The following USP29 variants were observed in gnomAD, a reference collection of about 807,000 sequenced individuals.
USP29 encodes the protein ubiquitin carboxyl-terminal hydrolase 29.
For synonymous variants in USP29, 386 were observed against 387.4 expected (o/e 1.00, Z 0.04); for missense variants, 1,102 against 1,069.0 (o/e 1.03, Z -0.43).
rs993757170 is a variant in USP29, at chr19:57,124,470, T to G, written c.-17+331T>G. Among the ~76,000 whole-genome samples, 8 of 19,626 alleles carry G rather than the reference T, an allele frequency of 4.1e-4. No individual in the cohort carries two copies. In the East Asian group the frequency reaches 0.12, roughly 289 times the overall value. The allele number at this position is 19,626 out of a possible 152,430, so 12.9% of individuals were successfully genotyped here. On this transcript the variant is annotated intron_variant, in intron 3 of 3. Transcript: ENST00000254181. ...CTTACTCCCTGTTTTTTGTGGGGTTTTTTTTTTGGTTTTCTTTTTTGTTTT... is the reference window on the plus strand; with the variant it reads ...CTTACTCCCTGTTTTTTGTGGGGTTGTTTTTTTGGTTTTCTTTTTTGTTTT...
At chr19:57,123,652 T>C (rs969889219) in intron 2 of USP29, among the ~76,000 whole-genome samples, 5 of 152,162 alleles carry the variant, frequency 3.3e-5, no homozygotes, top group African/African-American at 4.8e-5. Context: ...AAAATAAAGA[T>C]ACTTAAAGTT....
chr19:57,127,149 G>A (rs907775552), intron 3 of USP29, among the ~76,000 whole-genome samples: 1 of 152,184 alleles, frequency 6.6e-6, no homozygotes, highest in Non-Finnish European at 1.5e-5. Flanking sequence ...TTGTCCCAGA[G>A]GGGCACCAGC....
intron 3 of USP29, among the ~76,000 whole-genome samples, chr19:57,125,474 ATAGT>A (rs2086819065): frequency 6.6e-6 from 1 of 151,954 alleles, no homozygotes; most frequent in Non-Finnish European, 1.5e-5. Context: ...TATATTTAAG[ATAGT>A]TAGCTATTCT....
Position 57,129,348 on chromosome 19 carries a change from G to T in USP29, c.673G>T (p.Gly225Trp), listed in dbSNP as rs747408433. Residue 225 changes from glycine (G) to tryptophan (W), a missense_variant, in exon 4 of 4, where the codon GGG becomes TGG. Physicochemically the swap from Gly to Trp is radical, Grantham distance 184. Transcript: ENST00000254181. ...DLEKDRDLKL[G>W]PSFNTNCNGN... ...AGAAAAAGATAGAGATTTGAAACTC[G>T]GGCCTTCATTCAATACCAACTGTAA... 4.3e-6 allele frequency: 7 copies of T among 1,613,952 alleles called. No homozygotes were observed. The highest frequency in any genetic ancestry group is 5.9e-6 in the Non-Finnish European group (7 of 1,180,004).
chr19:57,128,404 G>A (rs940382662), intron 3 of USP29, among the ~76,000 whole-genome samples: 2 of 152,118 alleles, frequency 1.3e-5, no homozygotes, highest in Non-Finnish European at 2.9e-5. Context: ...CAGTGATGCT[G>A]AGCACCTGTT....
intron 1 of USP29, among the ~76,000 whole-genome samples, chr19:57,120,788 CAAAAAAAAAAAAA>C (rs71293954): frequency 9.6e-5 from 3 of 31,146 alleles, no homozygotes; most frequent in East Asian, 1.4e-3. Flanking sequence ...GACTCCGTCT[CAAAAAAAAAAAAA>C]AAAAAAAAAA....
Position 57,130,378 on chromosome 19 carries a change from A to T in USP29, c.1703A>T (p.Glu568Val). 6.2e-7 allele frequency: 1 copy of T among 1,614,196 alleles called. No individual in the cohort carries two copies. Among genetic ancestry groups the T allele is most frequent in the South Asian group, 1.1e-5 (1 of 91,088 alleles). Reference protein sequence around the residue: ...GKCEVLEVSQEMISEINSPLT... With the variant: ...GKCEVLEVSQVMISEINSPLT... ...TGTGAAGTCCTGGAAGTCTCTCAGGAGATGATTTCTGAGATCAACAGCCCA... is the reference window on the plus strand; with the variant it reads ...TGTGAAGTCCTGGAAGTCTCTCAGGTGATGATTTCTGAGATCAACAGCCCA... Residue 568 changes from glutamate (E) to valine (V), a missense_variant, in exon 4 of 4, where the codon GAG (glutamate) becomes GTG (valine). By Grantham distance (121) the Glu-to-Val change is moderately radical. Transcript: ENST00000254181.
At position 57,131,634 on chromosome 19, in the gene USP29, T is replaced by TCCC; in HGVS notation, c.*190_*191insCCC. ...ACCTAGATCCCAGAACTCAGGCGCA[T>TCCC]ATGCATATTTTCCCTGCAAGATTAG... On this transcript the variant is annotated 3_prime_UTR_variant, in exon 4 of 4. Coordinates refer to ENST00000254181, the MANE Select transcript of USP29 (RefSeq NM_020903.3). 1.2e-6 allele frequency: 1 copy of TCCC among 855,268 alleles called. No homozygotes were observed. The highest frequency in any genetic ancestry group is 1.7e-5 in the African/African-American group (1 of 58,712). The allele number at this position is 855,268 out of a possible 1,614,324, so 53.0% of individuals were successfully genotyped here.
chr19:57,130,071 C>A lies in USP29; in HGVS notation c.1396C>A (p.Pro466Thr). 6.2e-7 allele frequency: 1 copy of A among 1,613,606 alleles called. No individual in the cohort carries two copies. The highest frequency in any genetic ancestry group is 8.5e-7 in the Non-Finnish European group (1 of 1,179,830). The part of the protein sequence containing the change: ...INLHQETKPL[P>T]LSIQNSLDLF... Reference sequence around the variant, plus strand: ...CCTGCACCAAGAAACAAAACCACTTCCTTTGTCCATTCAGAATTCTTTAGA... The same window carrying A: ...CCTGCACCAAGAAACAAAACCACTTACTTTGTCCATTCAGAATTCTTTAGA... The change falls in exon 4 of 4, where the codon CCT becomes ACT. Residue 466 changes from proline (P) to threonine (T), a missense_variant. Pro to Thr is a conservative substitution (Grantham distance 38). Coordinates refer to ENST00000254181, the MANE Select transcript of USP29 (RefSeq NM_020903.3).
Position 57,129,305 on chromosome 19 carries a change from A to C in USP29, c.630A>C (p.Pro210=). The C allele has an allele frequency of 6.2e-7, 1 of 1,614,202 alleles. No individual in the cohort carries two copies. ...LKYIQSNRKN[P]SSLEDLEKDR... ...ATATACAAAGCAATAGGAAGAACCCATCAAGTTTAGAGGATTTAGAAAAAG... is the reference window on the plus strand; with the variant it reads ...ATATACAAAGCAATAGGAAGAACCCCTCAAGTTTAGAGGATTTAGAAAAAG... Residue 210 remains proline, a synonymous_variant, in exon 4 of 4, where the codon CCA becomes CCC. Coordinates refer to ENST00000254181, the MANE Select transcript of USP29 (RefSeq NM_020903.3).
chr19:57,125,557 T>C (rs1273386015), intron 3 of USP29, among the ~76,000 whole-genome samples: 1 of 152,050 alleles, frequency 6.6e-6, no homozygotes, highest in Admixed American at 6.6e-5. Flanking sequence ...TGGTTTAACA[T>C]CTGTTTTATC....
chr19:57,131,482 A>G lies in USP29; in HGVS notation c.*38A>G. ...GCCTCACTTCATCCTTGCAAAGAGA[A>G]TCCTGTACTTCATCCTTGCAAAGAG... On this transcript the variant is annotated 3_prime_UTR_variant, in exon 4 of 4. Coordinates refer to ENST00000254181, the MANE Select transcript of USP29 (RefSeq NM_020903.3). 6.5e-7 allele frequency: 1 copy of G among 1,544,960 alleles called. No individual in the cohort carries two copies.
Position 57,131,412 on chromosome 19 carries a change from TACG to T in USP29, c.2739_2741del (p.Tyr913_Glu914delinsTer), listed in dbSNP as rs771770765. On this transcript the variant is annotated stop_gained and inframe_deletion, in exon 4 of 4. Transcript: ENST00000254181. LOFTEE classifies it low-confidence loss of function (END_TRUNC). ...GGCAGGGGTGATCCCTCAGGGGGAA[TACG>T]AAGGTGACTCTTTGTACAGACCTGC... The T allele has an allele frequency of 2.9e-5, 47 of 1,613,540 alleles. No individual in the cohort carries two copies. The highest frequency in any genetic ancestry group is 3.7e-5 in the Non-Finnish European group (44 of 1,179,844).
chr19:57,130,064 A>G lies in USP29; in HGVS notation c.1389A>G (p.Lys463=), dbSNP rs1163800609. 6.2e-7 allele frequency: 1 copy of G among 1,613,606 alleles called. No homozygotes were observed. The highest frequency in any genetic ancestry group is 1.1e-5 in the South Asian group (1 of 90,922). ...CCATCAACCTGCACCAAGAAACAAA[A>G]CCACTTCCTTTGTCCATTCAGAATT... The part of the protein sequence containing the change: ...YLSINLHQET[K]PLPLSIQNSL... Residue 463 remains lysine (K), a synonymous_variant, in exon 4 of 4, where the codon AAA becomes AAG. Transcript: ENST00000254181.
rs201827046 is a variant in USP29 at position 57,130,768 on chromosome 19, A to G, written c.2093A>G (p.Asn698Ser). ...HPELQKYEKT[N>S]TFVEFNFDSV... ...GAACTTCAGAAGTATGAGAAAACCA[A>G]TACATTCGTAGAGTTCAATTTTGAC... The change falls in exon 4 of 4, where the codon AAT becomes AGT. Residue 698 changes from asparagine (N) to serine (S), a missense_variant. By Grantham distance (46) the Asn-to-Ser change is conservative. Coordinates refer to ENST00000254181, the MANE Select transcript of USP29 (RefSeq NM_020903.3). The G allele has an allele frequency of 1.2e-5, 19 of 1,614,150 alleles. No homozygotes were observed. In the East Asian group the frequency reaches 2.5e-4, roughly 21 times the overall value.
chr19:57,128,823 A>C lies in USP29; in HGVS notation c.148A>C (p.Ile50Leu). 1 of 1,614,030 alleles carries C rather than the reference A, an allele frequency of 6.2e-7. No individual in the cohort carries two copies. The highest frequency in any genetic ancestry group is 1.1e-5 in the South Asian group (1 of 91,072). The change falls in exon 4 of 4, where the codon ATT (isoleucine) becomes CTT (leucine). Residue 50 changes from isoleucine to leucine, a missense_variant. Coordinates refer to ENST00000254181, the MANE Select transcript of USP29 (RefSeq NM_020903.3). ...VTFKSGKFIR[I>L]FQLSNNIRSV... ...TTTCAAATCTGGAAAATTTATAAGA[A>C]TTTTTCAGCTGAGCAACAACATTAG... is the stretch of plus-strand genomic sequence containing the variant.
chr19:57,131,522 C>T lies in USP29; in HGVS notation c.*78C>T, dbSNP rs1209892939. 1.3e-6 allele frequency: 2 copies of T among 1,502,234 alleles called. No homozygotes were observed. The highest frequency in any genetic ancestry group is 1.8e-6 in the Non-Finnish European group (2 of 1,126,858). The allele number at this position is 1,502,234 out of a possible 1,614,324, so 93.1% of individuals were successfully genotyped here. A position where few individuals can be genotyped will look rare whatever the true frequency, so the allele number is the denominator to read the frequency against. Reference sequence around the variant, plus strand: ...CTTGCAAAGAGAATCCTGTACTTCACTCAGAATGAAGGAACAAGTATCTCA... The same window carrying T: ...CTTGCAAAGAGAATCCTGTACTTCATTCAGAATGAAGGAACAAGTATCTCA... On this transcript the variant is annotated 3_prime_UTR_variant, in exon 4 of 4. Transcript: ENST00000254181.
At chr19:57,127,419 T>C (rs2086829456) in intron 3 of USP29, among the ~76,000 whole-genome samples, 1 of 152,152 alleles carries the variant, frequency 6.6e-6, no homozygotes, top group Non-Finnish European at 1.5e-5. Flanking sequence ...CCCAGGGAGA[T>C]GGGAATTTTA....
intron 1 of USP29, among the ~76,000 whole-genome samples, chr19:57,120,788 C>CAAAAAAAAAAAAAAA (rs71293954): frequency 2.6e-4 from 8 of 31,144 alleles, no homozygotes; most frequent in African/African-American, 3.2e-4. Flanking sequence ...GACTCCGTCT[C>CAAAAAAAAAAAAAAA]AAAAAAAAAA....
Sources: gnomAD v4.1 joint callset for allele counts (sites outside exome capture counted in the v4.1 genomes callset) on GRCh38, gnomAD v4.1.1 for gene constraint, MANE v1.5 for transcripts, NCBI Gene and HGNC (gene_info 2026-07-23, HGNC 2026-07-21) for gene names.